HEMK2: variants seen among roughly 807,000 people sequenced by gnomAD.
The protein encoded by HEMK2 is methyltransferase HEMK2.
chr21:28,695,188 T>C, the HEMK2 span, among the ~76,000 whole-genome samples: 11 of 152,144 alleles, frequency 7.2e-5, no homozygotes, highest in Admixed American at 5.9e-4. Context: ...TGAAAAAATA[T>C]ATATAGCAGC....
the HEMK2 span, among the ~76,000 whole-genome samples, chr21:28,810,280 T>C: frequency 1.3e-5 from 2 of 152,208 alleles, no homozygotes; most frequent in African/African-American, 4.8e-5. Flanking sequence ...GAAGCCACTC[T>C]AGGTATTTCA....
the HEMK2 span, among the ~76,000 whole-genome samples, chr21:28,614,668 C>T: frequency 2.0e-5 from 3 of 152,102 alleles, no homozygotes; most frequent in Admixed American, 1.3e-4. Context: ...ATTACAGTGA[C>T]ATTTTGCTGA....
the HEMK2 span, among the ~76,000 whole-genome samples, chr21:28,689,044 C>A: frequency 7.9e-5 from 12 of 152,162 alleles, no homozygotes; most frequent in Admixed American, 6.5e-5. Flanking sequence ...CAGGGAGAGT[C>A]TGCCCACCCC....
the HEMK2 span, among the ~76,000 whole-genome samples, chr21:28,754,640 T>C: frequency 1.3e-5 from 2 of 152,238 alleles, no homozygotes; most frequent in African/African-American, 4.8e-5. Context: ...GTTGTTTGTC[T>C]ATTTTTATCT....
At chr21:28,856,642 AGAGT>A in the HEMK2 span, among the ~76,000 whole-genome samples, 1 of 152,184 alleles carries the variant, frequency 6.6e-6, no homozygotes, top group East Asian at 1.9e-4. Flanking sequence ...CAACCCACAA[AGAGT>A]GAGGAAAAGC....
At chr21:28,885,092 G>C in the HEMK2 span, 3 of 1,364,576 alleles carry the variant, frequency 2.2e-6, no homozygotes, top group African/African-American at 1.5e-5. Context: ...TCAATCATCT[G>C]CAAGTGGACC....
the HEMK2 span, among the ~76,000 whole-genome samples, chr21:28,809,055 T>A: frequency 6.6e-6 from 1 of 152,168 alleles, no homozygotes; most frequent in African/African-American, 2.4e-5. Context: ...CTTTAATGAA[T>A]TGTGCTAGAG....
chr21:28,626,166 G>A, the HEMK2 span, among the ~76,000 whole-genome samples: 1 of 152,002 alleles, frequency 6.6e-6, no homozygotes, highest in Non-Finnish European at 1.5e-5. Flanking sequence ...GACTTTTTAT[G>A]TTATATGTAA....
At chr21:28,665,971 AT>A in the HEMK2 span, among the ~76,000 whole-genome samples, 1 of 152,240 alleles carries the variant, frequency 6.6e-6, no homozygotes, top group South Asian at 2.1e-4. Context: ...TCTCTATAAA[AT>A]AAACTTATAA....
the HEMK2 span, among the ~76,000 whole-genome samples, chr21:28,626,219 C>T: frequency 6.6e-6 from 1 of 151,782 alleles, no homozygotes; most frequent in African/African-American, 2.4e-5. Context: ...TAGAATTAAA[C>T]TATTATGCGG....
chr21:28,607,823 G>A, the HEMK2 span, among the ~76,000 whole-genome samples: 59 of 152,250 alleles, frequency 3.9e-4, no homozygotes, highest in Non-Finnish European at 5.9e-4. Context: ...TTATGGATAC[G>A]AAAAGAGAGG....
At chr21:28,661,921 A>G in the HEMK2 span, among the ~76,000 whole-genome samples, 6 of 152,304 alleles carry the variant, frequency 3.9e-5, no homozygotes, top group East Asian at 7.7e-4. Flanking sequence ...GAATCATCCC[A>G]TTCTCTCTCT....
chr21:28,849,686 C>T, the HEMK2 span, among the ~76,000 whole-genome samples: 104 of 152,232 alleles, frequency 6.8e-4, 1 homozygote, highest in African/African-American at 2.2e-3. Context: ...AGAAACGGAT[C>T]TGATACAGCT....
the HEMK2 span, among the ~76,000 whole-genome samples, chr21:28,863,453 TATATATATATATATATAC>T: frequency 6.3e-5 from 6 of 95,124 alleles, no homozygotes; most frequent in Non-Finnish European, 1.0e-4. Context: ...TATATATATA[TATATATATATATATATAC>T]TTCATTAGTT....
At chr21:28,866,921 T>C in the HEMK2 span, among the ~76,000 whole-genome samples, 1 of 152,006 alleles carries the variant, frequency 6.6e-6, no homozygotes, top group Non-Finnish European at 1.5e-5. Context: ...CTAATAAACA[T>C]ATGAAAATTT....
At chr21:28,773,300 T>G in the HEMK2 span, among the ~76,000 whole-genome samples, 1 of 152,284 alleles carries the variant, frequency 6.6e-6, no homozygotes, top group African/African-American at 2.4e-5. Context: ...AAGTAGGATC[T>G]TCTGTATTTA....
the HEMK2 span, among the ~76,000 whole-genome samples, chr21:28,729,619 C>T: frequency 7.4e-5 from 10 of 135,312 alleles, no homozygotes; most frequent in Admixed American, 1.6e-4. Context: ...CTAACACTAA[C>T]GATTGCTGAT....
the HEMK2 span, among the ~76,000 whole-genome samples, chr21:28,706,277 T>A: frequency 6.6e-6 from 1 of 152,226 alleles, no homozygotes; most frequent in Admixed American, 6.5e-5. Context: ...AGTAGACAGT[T>A]GCAACTACAA....
chr21:28,678,109 G>C, the HEMK2 span, among the ~76,000 whole-genome samples: 1 of 151,870 alleles, frequency 6.6e-6, no homozygotes, highest in Non-Finnish European at 1.5e-5. Flanking sequence ...GCTAAAGGGG[G>C]AAGTTTGAAC....
Sources: allele counts gnomAD v4.1 joint callset (sites outside exome capture counted in the v4.1 genomes callset), GRCh38; gene constraint gnomAD v4.1.1; transcripts MANE v1.5; gene names NCBI Gene and HGNC (gene_info 2026-07-23, HGNC 2026-07-21).